The following ARID1B variants were observed in gnomAD, a reference collection of about 807,000 sequenced individuals.
The protein encoded by ARID1B is AT-rich interaction domain 1B, also known as AT-rich interactive domain-containing protein 1B.
ARID1B carries 30 observed loss-of-function variants against 212.3 expected under a neutral mutation model. The ratio of observed to expected loss-of-function variants is 0.14; its 90% CI spans 0.11 to 0.19. The LOEUF (loss-of-function observed/expected upper bound fraction) is 0.19, where lower values mean the gene tolerates loss of function less well. Among genes scored for constraint, ARID1B ranks in the 10% least tolerant of loss-of-function variants. The pLI, the probability that ARID1B is intolerant of heterozygous loss-of-function variation, is 1.00. For missense variants in ARID1B, 2,891 were observed against 3,204.0 expected, an observed-to-expected ratio of 0.90 and a Z score of 2.36; for synonymous variants, 1,402 against 1,301.7, an observed-to-expected ratio of 1.08 and a Z score of -1.66.
chr6:156,779,150 C>T lies in ARID1B; in HGVS notation c.1470C>T (p.Gly490=), dbSNP rs1451702908. The change falls in exon 1 of 20, where the codon GGC becomes GGT. Residue 490 remains glycine, a synonymous_variant. Coordinates refer to ENST00000636930, the MANE Select transcript of ARID1B (RefSeq NM_001374828.1). ...SAAGGFQRFA[G]QNQHPSGATP... ...CGGGGGGCTTCCAGCGCTTCGCCGGCCAGAACCAGCACCCGTCGGGGGCCA... is the reference window on the plus strand; with the variant it reads ...CGGGGGGCTTCCAGCGCTTCGCCGGTCAGAACCAGCACCCGTCGGGGGCCA... The T allele has an allele frequency of 4.6e-6, 6 of 1,301,832 alleles. No homozygotes were observed. Among genetic ancestry groups the T allele is most frequent in the Non-Finnish European group, 5.9e-6 (6 of 1,020,314 alleles). 80.6% of individuals were successfully genotyped at this position (1,301,832 alleles called of 1,614,324 possible).
chr6:157,138,017 A>T (rs2128600379), intron 7 of ARID1B, among the ~76,000 whole-genome samples: 1 of 152,288 alleles, frequency 6.6e-6, no homozygotes, highest in Admixed American at 6.5e-5. Context: ...TATTCAGTTG[A>T]AATGAATACA....
intron 1 of ARID1B, among the ~76,000 whole-genome samples, chr6:156,788,395 TG>T (rs1157651718): frequency 1.1e-4 from 17 of 152,210 alleles, no homozygotes; most frequent in Admixed American, 1.0e-3. Context: ...CTGATGCCAT[TG>T]GCCCCAAGCT....
intron 4 of ARID1B, among the ~76,000 whole-genome samples, chr6:156,967,388 T>C (rs1794841192): frequency 6.6e-6 from 1 of 152,216 alleles, no homozygotes; most frequent in Admixed American, 6.5e-5. Flanking sequence ...TAAATAGATA[T>C]GAAAAAGTCA....
intron 4 of ARID1B, among the ~76,000 whole-genome samples, chr6:156,977,649 T>C (rs7739110): frequency 0.27 from 40,679 of 152,056 alleles, 6,482 homozygotes; most frequent in African/African-American, 0.43. Context: ...ACATTTCAAT[T>C]GACTGATTTT....
chr6:157,105,532 G>A (rs1786401503), intron 5 of ARID1B, among the ~76,000 whole-genome samples: 1 of 152,172 alleles, frequency 6.6e-6, no homozygotes, highest in Non-Finnish European at 1.5e-5. Flanking sequence ...CACAAGGAAA[G>A]ATATTAAAAT....
intron 15 of ARID1B, chr6:157,193,858 G>A (rs1793548526): frequency 6.6e-6 from 1 of 152,250 alleles, no homozygotes; most frequent in East Asian, 1.9e-4. Flanking sequence ...AATGCTGGGA[G>A]ATGCACTTCT....
intron 4 of ARID1B, among the ~76,000 whole-genome samples, chr6:156,963,290 C>G (rs745329301): frequency 3.9e-5 from 6 of 152,140 alleles, no homozygotes; most frequent in Non-Finnish European, 7.3e-5. Context: ...AAAAATCGCT[C>G]TACTGGTTAT....
chr6:156,951,592 C>T (rs771683576), intron 4 of ARID1B, among the ~76,000 whole-genome samples: 7 of 151,924 alleles, frequency 4.6e-5, no homozygotes, highest in East Asian at 1.9e-4. Flanking sequence ...TACAGGCGCC[C>T]GCCACCACGC....
At position 157,039,670 on chromosome 6, in the gene ARID1B, C is replaced by CTTCTTTCT. The variant is rs1234449798; in HGVS notation, c.2248-44989_2248-44988insTTTCTTTC. ...CTTTCCTTCCTTCCTTCCTTCCTTC[C>CTTCTTTCT]TTCCTTCCTTCCTTCCTTCCTTCCT... On this transcript the variant is annotated intron_variant, in intron 4 of 19. Coordinates refer to ENST00000636930, the MANE Select transcript of ARID1B (RefSeq NM_001374828.1). 3.9e-3 allele frequency among the ~76,000 whole-genome samples: 216 copies of CTTCTTTCT among 55,280 alleles called. 3 individuals are homozygous for CTTCTTTCT. Among genetic ancestry groups the CTTCTTTCT allele is most frequent in the African/African-American group, 0.023 (207 of 8,866 alleles). 36.3% of individuals were successfully genotyped at this position (55,280 alleles called of 152,430 possible). A position where few individuals can be genotyped will look rare whatever the true frequency, so the allele number is the denominator to read the frequency against.
At chr6:157,153,939 C>T (rs141813441) in intron 8 of ARID1B, among the ~76,000 whole-genome samples, 1,838 of 152,340 alleles carry the variant, frequency 0.012, 28 homozygotes, top group African/African-American at 0.041. Flanking sequence ...CACTCCTGAC[C>T]TTGTAACATT....
At chr6:157,147,522 G>A (rs1461989759) in intron 7 of ARID1B, among the ~76,000 whole-genome samples, 4 of 24,524 alleles carry the variant, frequency 1.6e-4, no homozygotes, top group East Asian at 1.3e-3. Context: ...CCCGCCTCCG[G>A]CCCTGACCTC....
chr6:157,079,020 C>T (rs1784469999), intron 4 of ARID1B, among the ~76,000 whole-genome samples: 1 of 152,144 alleles, frequency 6.6e-6, no homozygotes, highest in Admixed American at 6.5e-5. Flanking sequence ...TTTAAATTAA[C>T]ATCAACCTTT....
At chr6:157,196,402 C>A (rs2128358573) in intron 16 of ARID1B, 87 bp downstream of exon 16, 1 of 1,466,662 alleles carries the variant, frequency 6.8e-7, no homozygotes, top group Non-Finnish European at 9.2e-7. Flanking sequence ...GGCAGCTGAG[C>A]CACTGATGAC....
intron 6 of ARID1B, among the ~76,000 whole-genome samples, chr6:157,130,459 T>C (rs1384809198): frequency 1.3e-5 from 2 of 152,246 alleles, no homozygotes; most frequent in Non-Finnish European, 2.9e-5. Flanking sequence ...CAATCATTCA[T>C]AGTAATTTTA....
Position 157,209,995 on chromosome 6 carries a change from T to G in ARID1B, c.*2104T>G, listed in dbSNP as rs532890660. Reference sequence around the variant, plus strand: ...CAGAATCCCCAGCCCCTCGCATACATTGTGTCGGTTCACATTACTCACAGT... The same window carrying G: ...CAGAATCCCCAGCCCCTCGCATACAGTGTGTCGGTTCACATTACTCACAGT... On this transcript the variant is annotated 3_prime_UTR_variant, in exon 20 of 20. Transcript: ENST00000636930. 6.0e-5 allele frequency: 14 copies of G among 233,072 alleles called. No homozygotes were observed. The highest frequency in any genetic ancestry group is 2.9e-4 in the African/African-American group (13 of 45,346). The allele number at this position is 233,072 out of a possible 1,614,324, so 14.4% of individuals were successfully genotyped here. A position where few individuals can be genotyped will look rare whatever the true frequency, so the allele number is the denominator to read the frequency against.
intron 4 of ARID1B, among the ~76,000 whole-genome samples, chr6:156,963,983 C>A (rs114943102): frequency 9.5e-4 from 145 of 152,310 alleles, no homozygotes; most frequent in African/African-American, 3.4e-3. Context: ...GCTGATTAAT[C>A]GCACTTGAAG....
At chr6:156,806,760 A>G (rs945268604) in intron 1 of ARID1B, among the ~76,000 whole-genome samples, 1 of 152,168 alleles carries the variant, frequency 6.6e-6, no homozygotes, top group African/African-American at 2.4e-5. Flanking sequence ...CGTTTGGATC[A>G]GGGGGTCAGC....
intron 4 of ARID1B, among the ~76,000 whole-genome samples, chr6:157,053,521 A>G (rs1782741348): frequency 6.6e-6 from 1 of 152,224 alleles, no homozygotes; most frequent in South Asian, 2.1e-4. Flanking sequence ...ACATCTTTTT[A>G]ATACAAGTAG....
At chr6:157,180,402 C>T (rs1389827463) in intron 11 of ARID1B, among the ~76,000 whole-genome samples, 1 of 151,794 alleles carries the variant, frequency 6.6e-6, no homozygotes. Flanking sequence ...AAAAAACACA[C>T]GAGCTTATAG....
Sources: gnomAD v4.1 joint callset for allele counts (sites outside exome capture counted in the v4.1 genomes callset) on GRCh38, gnomAD v4.1.1 for gene constraint, MANE v1.5 for transcripts, NCBI Gene and HGNC (gene_info 2026-07-23, HGNC 2026-07-21) for gene names.